Variants in GRM8 observed in about 807,000 individuals in gnomAD.
GRM8 encodes the protein metabotropic glutamate receptor 8.
A neutral mutation model predicts 87.2 loss-of-function variants in GRM8; 47 were observed. The ratio of observed to expected loss-of-function variants is 0.54; its 90% CI spans 0.43 to 0.69. The LOEUF is 0.69. GRM8 is among the 30% of genes least tolerant of loss of function. The pLI, the probability that GRM8 is intolerant of heterozygous loss-of-function variation, is 0.00. For missense variants in GRM8, 1,019 were observed against 1,139.2 expected (o/e 0.89, Z 1.52); for synonymous variants, 396 against 404.5 (o/e 0.98, Z 0.25).
chr7:126,859,385 G>C (rs537245356), intron 6 of GRM8, among the ~76,000 whole-genome samples: 3 of 152,174 alleles, frequency 2.0e-5, no homozygotes, highest in African/African-American at 7.2e-5. Context: ...AGGTATGATG[G>C]ACCAAGATCA....
chr7:126,645,998 C>G (rs1278996613), intron 7 of GRM8, among the ~76,000 whole-genome samples: 2 of 152,174 alleles, frequency 1.3e-5, no homozygotes, highest in Non-Finnish European at 2.9e-5. Flanking sequence ...TACTCACCCC[C>G]TCCCTCTCTG....
rs762212883 is a variant in GRM8 at position 126,904,019 on chromosome 7, A to T, written c.971T>A (p.Ile324Asn). 1.3e-6 allele frequency: 2 copies of T among 1,580,962 alleles called. No individual in the cohort carries two copies. Among genetic ancestry groups the T allele is most frequent in the South Asian group, 1.1e-5 (1 of 90,242 alleles). Reference protein sequence around the residue: ...KIAPVYQQEEIAEGAVTILPK... With the variant: ...KIAPVYQQEENAEGAVTILPK... The stretch of plus-strand genomic sequence containing the variant: ...CAAAATTGTCACAGCCCCTTCTGCA[A>T]TCTCCTCTTGCTGATAGACAGGTGC... Residue 324 changes from isoleucine to asparagine, a missense_variant, in exon 5 of 11, where the codon ATT becomes AAT. Transcript: ENST00000339582.
chr7:126,812,390 C>T (rs943133995), intron 6 of GRM8, among the ~76,000 whole-genome samples: 6 of 151,788 alleles, frequency 4.0e-5, no homozygotes, highest in South Asian at 2.1e-4. Context: ...TACACCCTAG[C>T]GCTCCTAGGC....
intron 9 of GRM8, among the ~76,000 whole-genome samples, chr7:126,456,312 C>T (rs1414833282): frequency 2.6e-5 from 4 of 151,262 alleles, no homozygotes. Flanking sequence ...CGTACTGATT[C>T]TACATAGGAA....
At chr7:126,705,340 T>C (rs1267501412) in intron 7 of GRM8, among the ~76,000 whole-genome samples, 1 of 152,186 alleles carries the variant, frequency 6.6e-6, no homozygotes, top group Non-Finnish European at 1.5e-5. Context: ...GCCCATTACA[T>C]ATGCAAGTTT....
At chr7:126,614,787 A>G (rs948537701) in intron 7 of GRM8, among the ~76,000 whole-genome samples, 2 of 152,252 alleles carry the variant, frequency 1.3e-5, no homozygotes, top group African/African-American at 4.8e-5. Flanking sequence ...ATTGAAGATC[A>G]AATGAATGCA....
At chr7:126,969,960 G>C (rs971048438) in intron 3 of GRM8, among the ~76,000 whole-genome samples, 1 of 151,942 alleles carries the variant, frequency 6.6e-6, no homozygotes, top group Non-Finnish European at 1.5e-5. Flanking sequence ...TGGAAGACTA[G>C]GTGTGTTCTC....
At chr7:127,226,322 T>C (rs1038695258) in intron 2 of GRM8, among the ~76,000 whole-genome samples, 1 of 152,208 alleles carries the variant, frequency 6.6e-6, no homozygotes, top group African/African-American at 2.4e-5. Context: ...ATTCCAATTA[T>C]TCCTTCTCCT....
At chr7:126,476,195 G>C (rs1805885635) in intron 9 of GRM8, among the ~76,000 whole-genome samples, 1 of 152,086 alleles carries the variant, frequency 6.6e-6, no homozygotes. Flanking sequence ...ACAGGAGTCT[G>C]AGACAAACCA....
intron 3 of GRM8, among the ~76,000 whole-genome samples, chr7:126,962,482 A>C (rs987048445): frequency 6.6e-6 from 1 of 152,254 alleles, no homozygotes; most frequent in Non-Finnish European, 1.5e-5. Flanking sequence ...TCAACAAAAA[A>C]CAAACACTAT....
intron 3 of GRM8, among the ~76,000 whole-genome samples, chr7:127,026,328 T>C (rs1023306951): frequency 1.3e-5 from 2 of 152,176 alleles, no homozygotes; most frequent in Non-Finnish European, 2.9e-5. Context: ...TGTGTCTTTA[T>C]AGTAGAATGA....
chr7:126,752,244 T>G (rs1816506606), intron 7 of GRM8, among the ~76,000 whole-genome samples: 1 of 152,088 alleles, frequency 6.6e-6, no homozygotes, highest in South Asian at 2.1e-4. Flanking sequence ...AGTAGTGCAC[T>G]ATAGTATGCC....
At chr7:127,001,199 A>G (rs115711762) in intron 3 of GRM8, among the ~76,000 whole-genome samples, 170 of 151,838 alleles carry the variant, frequency 1.1e-3, no homozygotes, top group African/African-American at 3.9e-3. Flanking sequence ...TGGAACATCA[A>G]GATATGCATA....
At chr7:126,878,440 CCTT>C (rs1207107327) in intron 6 of GRM8, among the ~76,000 whole-genome samples, 1 of 152,098 alleles carries the variant, frequency 6.6e-6, no homozygotes, top group African/African-American at 2.4e-5. Flanking sequence ...TTCTTCAAAA[CCTT>C]CTGTGAGTTT....
intron 6 of GRM8, among the ~76,000 whole-genome samples, chr7:126,827,179 G>A (rs1794893972): frequency 6.6e-6 from 1 of 152,182 alleles, no homozygotes; most frequent in Admixed American, 6.5e-5. Flanking sequence ...TTTTGGCTTA[G>A]GATTGACTTG....
chr7:126,861,025 C>T (rs1246255261), intron 6 of GRM8, among the ~76,000 whole-genome samples: 1 of 152,058 alleles, frequency 6.6e-6, no homozygotes, highest in Non-Finnish European at 1.5e-5. Flanking sequence ...GTGAATTTTC[C>T]TCTGTGGCCT....
intron 6 of GRM8, among the ~76,000 whole-genome samples, chr7:126,875,046 G>A (rs1369898182): frequency 1.3e-5 from 2 of 151,964 alleles, no homozygotes; most frequent in East Asian, 1.9e-4. Flanking sequence ...CTCTTTTCTT[G>A]CATGGCCACA....
chr7:126,572,431 C>T (rs544981294), intron 8 of GRM8, among the ~76,000 whole-genome samples: 129 of 152,244 alleles, frequency 8.5e-4, no homozygotes, highest in Non-Finnish European at 1.6e-3. Flanking sequence ...ATGACAACAT[C>T]CGATGGCTGC....
chr7:126,483,338 T>G (rs1476254107), intron 9 of GRM8, among the ~76,000 whole-genome samples: 1 of 150,522 alleles, frequency 6.6e-6, no homozygotes, highest in African/African-American at 2.4e-5. Flanking sequence ...TCATATTTCC[T>G]CAACACTTAT....
Sources: allele counts gnomAD v4.1 joint callset (sites outside exome capture counted in the v4.1 genomes callset), GRCh38; gene constraint gnomAD v4.1.1; transcripts MANE v1.5; gene names NCBI Gene and HGNC (gene_info 2026-07-23, HGNC 2026-07-21).